GPHN: variants seen among roughly 807,000 people sequenced by gnomAD.
GPHN encodes gephyrin.
Under a neutral mutation model 95.5 loss-of-function variants are expected in GPHN, and 17 were observed. The observed-to-expected ratio is 0.18, with a 90% CI of 0.12 to 0.27. GPHN has a LOEUF of 0.27. GPHN is among the 10% of genes least tolerant of loss of function. The pLI is 1.00. For missense variants in GPHN, 660 were observed against 978.1 expected, an observed-to-expected ratio of 0.67 and a Z score of 4.34; for synonymous variants, 320 against 322.5, an observed-to-expected ratio of 0.99 and a Z score of 0.08.
At chr14:66,584,438 G>T (rs1346087830) in intron 1 of GPHN, among the ~76,000 whole-genome samples, 1 of 152,102 alleles carries the variant, frequency 6.6e-6, no homozygotes, top group Non-Finnish European at 1.5e-5. Flanking sequence ...AATAGGAGTG[G>T]TGAGAGAGGG....
chr14:67,734,847 G>C, the GPHN span, among the ~76,000 whole-genome samples: 2 of 152,164 alleles, frequency 1.3e-5, no homozygotes, highest in East Asian at 3.8e-4. Flanking sequence ...CCTGAAGGAG[G>C]CTCCACTTGC....
the GPHN span, chr14:67,579,123 C>CTGCT: frequency 6.3e-7 from 1 of 1,594,572 alleles, no homozygotes; most frequent in Non-Finnish European, 8.6e-7. Context: ...TCCCCTCTTC[C>CTGCT]GTCTTTTTAG....
chr14:67,542,655 T>C, the GPHN span, among the ~76,000 whole-genome samples: 1 of 152,230 alleles, frequency 6.6e-6, no homozygotes, highest in Non-Finnish European at 1.5e-5. Flanking sequence ...TTTCCTAATG[T>C]TTCTGTGGGA....
At chr14:66,895,436 A>T (rs565193621) in intron 5 of GPHN, among the ~76,000 whole-genome samples, 6 of 152,158 alleles carry the variant, frequency 3.9e-5, no homozygotes, top group Non-Finnish European at 8.8e-5. Context: ...GCAGCAAACC[A>T]ACATGGCACA....
intron 10 of GPHN, among the ~76,000 whole-genome samples, 190 bp from the exon 11 acceptor site, chr14:67,058,459 T>C (rs1248518406): frequency 2.0e-5 from 3 of 152,232 alleles, no homozygotes; most frequent in African/African-American, 7.2e-5. Context: ...TGACACATGA[T>C]GTAACATTGC....
At chr14:66,521,340 G>A (rs1027184446) in intron 1 of GPHN, among the ~76,000 whole-genome samples, 10 of 152,032 alleles carry the variant, frequency 6.6e-5, no homozygotes, top group African/African-American at 1.9e-4. Context: ...TTTGGAGCCC[G>A]TCATTGTAAC....
chr14:67,317,794 T>C, the GPHN span, among the ~76,000 whole-genome samples: 4 of 152,234 alleles, frequency 2.6e-5, no homozygotes, highest in Non-Finnish European at 5.9e-5. Context: ...TCCTCTACAA[T>C]AGCTCATGTC....
the GPHN span, chr14:67,649,080 C>T: frequency 6.6e-6 from 1 of 152,164 alleles, no homozygotes; most frequent in Non-Finnish European, 1.5e-5. Flanking sequence ...TGCCAGTGGT[C>T]CTTAGGTTAT....
chr14:67,713,275 A>G, the GPHN span, among the ~76,000 whole-genome samples: 3 of 151,612 alleles, frequency 2.0e-5, no homozygotes, highest in Non-Finnish European at 4.4e-5. Flanking sequence ...CAAAAAACAA[A>G]ACAAAAAAAA....
intron 2 of GPHN, among the ~76,000 whole-genome samples, chr14:66,683,004 G>A (rs1014487083): frequency 2.7e-5 from 4 of 150,518 alleles, no homozygotes; most frequent in African/African-American, 9.7e-5. Flanking sequence ...TTTAATTTTA[G>A]TATTCTAAAA....
At chr14:67,603,793 G>A in the GPHN span, among the ~76,000 whole-genome samples, 3 of 152,158 alleles carry the variant, frequency 2.0e-5, no homozygotes, top group Non-Finnish European at 4.4e-5. Flanking sequence ...TTCTCCTGCT[G>A]AGGTCAGCCT....
the GPHN span, chr14:67,224,949 T>A: frequency 1.7e-6 from 1 of 576,738 alleles, no homozygotes; most frequent in East Asian, 3.3e-5. Context: ...AAAGAATAAA[T>A]ACATTTTTGA....
chr14:66,919,710 C>T (rs1224154467), intron 6 of GPHN, among the ~76,000 whole-genome samples: 2 of 152,232 alleles, frequency 1.3e-5, no homozygotes, highest in Non-Finnish European at 2.9e-5. Flanking sequence ...TTTACTTAGC[C>T]TCCTGAGCCC....
chr14:67,333,413 C>A, the GPHN span: 1 of 152,714 alleles, frequency 6.5e-6, no homozygotes, highest in African/African-American at 2.4e-5. Context: ...ATGCACTGGG[C>A]AAGGCAGTAT....
chr14:67,393,237 T>C, the GPHN span: 2 of 1,611,824 alleles, frequency 1.2e-6, no homozygotes, highest in Non-Finnish European at 1.7e-6. Flanking sequence ...TTGTCCACAA[T>C]GCGACTACAT....
At chr14:66,972,838 A>G (rs181123212) in intron 9 of GPHN, among the ~76,000 whole-genome samples, 107 of 152,288 alleles carry the variant, frequency 7.0e-4, no homozygotes, top group African/African-American at 2.5e-3. Flanking sequence ...AAAACAGAAG[A>G]TGGCAGTGAA....
intron 4 of GPHN, among the ~76,000 whole-genome samples, chr14:66,846,777 G>C (rs990694832): frequency 2.6e-5 from 4 of 152,094 alleles, no homozygotes; most frequent in Non-Finnish European, 5.9e-5. Context: ...TCATAGTAAA[G>C]AGTAGAAAAT....
chr14:67,159,855 C>A (rs541603630), intron 19 of GPHN, among the ~76,000 whole-genome samples: 1 of 152,052 alleles, frequency 6.6e-6, no homozygotes, highest in Non-Finnish European at 1.5e-5. Flanking sequence ...GAACGAACCC[C>A]CACCCCACCC....
At chr14:67,174,879 C>G (rs1263406712) in intron 21 of GPHN, among the ~76,000 whole-genome samples, 1 of 152,204 alleles carries the variant, frequency 6.6e-6, no homozygotes, top group East Asian at 1.9e-4. Context: ...TAAATACCTT[C>G]TTTTGAGAAG....
Sources: allele counts gnomAD v4.1 joint callset (sites outside exome capture counted in the v4.1 genomes callset), GRCh38; gene constraint gnomAD v4.1.1; transcripts MANE v1.5; gene names NCBI Gene and HGNC (gene_info 2026-07-23, HGNC 2026-07-21).